The following LRRTM4 variants were observed in gnomAD, a reference collection of about 807,000 sequenced individuals.
LRRTM4 encodes leucine-rich repeat transmembrane neuronal protein 4.
A neutral mutation model predicts 47.6 loss-of-function variants in LRRTM4; 25 were observed. The ratio of observed to expected loss-of-function variants is 0.53; its 90% CI spans 0.38 to 0.73. LRRTM4 has a LOEUF of 0.73. Among genes scored for constraint, LRRTM4 ranks in the 30% least tolerant of loss-of-function variants. The probability of loss-of-function intolerance (pLI) is 0.00; values close to 1 mark genes in which losing one functional copy is unlikely to be tolerated. For missense variants in LRRTM4, 638 were observed against 713.4 expected (o/e 0.89, Z 1.20); for synonymous variants, 311 against 269.5 (o/e 1.15, Z -1.51).
chr2:77,285,752 C>CA (rs71699011), intron 3 of LRRTM4, among the ~76,000 whole-genome samples: 17 of 151,194 alleles, frequency 1.1e-4, no homozygotes, highest in East Asian at 9.8e-4. Context: ...AAAAAAACAA[C>CA]AAAAAAAATC....
chr2:77,171,166 T>A (rs1179530947), intron 3 of LRRTM4, among the ~76,000 whole-genome samples: 1 of 152,164 alleles, frequency 6.6e-6, no homozygotes, highest in Non-Finnish European at 1.5e-5. Flanking sequence ...AAATCAATGC[T>A]TGGTTTCCCT....
At chr2:76,795,449 G>A (rs977624816) in intron 3 of LRRTM4, among the ~76,000 whole-genome samples, 2 of 151,960 alleles carry the variant, frequency 1.3e-5, no homozygotes, top group Admixed American at 6.6e-5. Flanking sequence ...ATAAAACATT[G>A]TAATGACTAT....
chr2:76,868,216 A>C (rs1672519171), intron 3 of LRRTM4, among the ~76,000 whole-genome samples: 1 of 152,196 alleles, frequency 6.6e-6, no homozygotes, highest in Non-Finnish European at 1.5e-5. Context: ...CCATCCAAAA[A>C]TCTCAAAACA....
Position 77,116,450 on chromosome 2 carries a change from C to T in LRRTM4, c.1552-367534G>A, listed in dbSNP as rs114323093. ...TGATTTATTGAATATATAATTACTG[C>T]AGTAATAAAATCATTGCAGTTTAAG... On this transcript the variant is annotated intron_variant, in intron 3 of 3. Transcript: ENST00000409884. Among the ~76,000 whole-genome samples, 1,394 of 152,040 alleles carry T rather than the reference C, an allele frequency of 9.2e-3. 27 individuals are homozygous for T. The highest frequency in any genetic ancestry group is 0.031 in the African/African-American group (1,267 of 41,474).
intron 3 of LRRTM4, among the ~76,000 whole-genome samples, chr2:77,124,597 T>C (rs760323169): frequency 1.3e-5 from 2 of 152,198 alleles, no homozygotes; most frequent in Non-Finnish European, 2.9e-5. Flanking sequence ...AGATGATTCA[T>C]GCTACTTCTG....
chr2:76,807,399 T>TAC (rs1558667201), intron 3 of LRRTM4, among the ~76,000 whole-genome samples: 1 of 112,312 alleles, frequency 8.9e-6, no homozygotes, highest in African/African-American at 4.0e-5. Context: ...TATATATATA[T>TAC]GTATATACGT....
At chr2:77,427,616 G>C (rs1346640745) in intron 3 of LRRTM4, among the ~76,000 whole-genome samples, 21 of 152,142 alleles carry the variant, frequency 1.4e-4, no homozygotes, top group Admixed American at 1.2e-3. Flanking sequence ...TTGTGAAGCA[G>C]TTATATAGTT....
Position 77,192,456 on chromosome 2 carries a change from G to T in LRRTM4, c.1551+325862C>A, listed in dbSNP as rs542313625. Among the ~76,000 whole-genome samples, 164 of 151,886 alleles carry T rather than the reference G, an allele frequency of 1.1e-3. 1 individual carries two copies. The highest frequency in any genetic ancestry group is 3.8e-3 in the African/African-American group (156 of 41,464). On this transcript the variant is annotated intron_variant, in intron 3 of 3. Transcript: ENST00000409884. Reference sequence around the variant, plus strand: ...AAATTAGTATGGCATACTATCTAAAGAAATAAAGAAAAAAATTGAAAATAG... The same window carrying T: ...AAATTAGTATGGCATACTATCTAAATAAATAAAGAAAAAAATTGAAAATAG...
chr2:77,165,659 G>A (rs2103820338), intron 3 of LRRTM4, among the ~76,000 whole-genome samples: 1 of 152,244 alleles, frequency 6.6e-6, no homozygotes, highest in Admixed American at 6.5e-5. Flanking sequence ...TTGAACATAT[G>A]CAAATCAATA....
chr2:77,470,867 CAGTT>C (rs1243256261), intron 3 of LRRTM4, among the ~76,000 whole-genome samples: 1 of 152,004 alleles, frequency 6.6e-6, no homozygotes, highest in Non-Finnish European at 1.5e-5. Context: ...TTGTGGGACT[CAGTT>C]AGTACCAATA....
chr2:77,485,761 A>C (rs1366682933), intron 3 of LRRTM4, among the ~76,000 whole-genome samples: 1 of 152,054 alleles, frequency 6.6e-6, no homozygotes, highest in Non-Finnish European at 1.5e-5. Flanking sequence ...ACAAGGTCTC[A>C]CTCCCATTAT....
chr2:77,240,924 G>A (rs1558648702), intron 3 of LRRTM4, among the ~76,000 whole-genome samples: 1 of 151,874 alleles, frequency 6.6e-6, no homozygotes, highest in African/African-American at 2.4e-5. Flanking sequence ...CTTTAATTAA[G>A]ATATGGATCA....
rs72913955 is a variant in LRRTM4, at chr2:77,202,512, C to T, written c.1551+315806G>A. Among the ~76,000 whole-genome samples, 1,049 of 152,046 alleles carry T rather than the reference C, an allele frequency of 6.9e-3. 13 individuals carry two copies. Among genetic ancestry groups the T allele is most frequent in the African/African-American group, 0.024 (994 of 41,458 alleles). On this transcript the variant is annotated intron_variant, in intron 3 of 3. Coordinates refer to ENST00000409884, the MANE Select transcript of LRRTM4 (RefSeq NM_001134745.3). ...CAGTTACTTCTTTGGAAGTGATCAA[C>T]CAGACTAGATTGCCATTTTACATTG...
intron 3 of LRRTM4, among the ~76,000 whole-genome samples, chr2:77,387,782 C>T (rs1673342034): frequency 6.6e-6 from 1 of 152,024 alleles, no homozygotes. Context: ...ACTTAAAAAG[C>T]AGGAAAACGG....
intron 3 of LRRTM4, among the ~76,000 whole-genome samples, chr2:77,294,087 CA>C (rs1448876331): frequency 6.6e-6 from 1 of 152,048 alleles, no homozygotes; most frequent in Non-Finnish European, 1.5e-5. Flanking sequence ...GTGTGTACAT[CA>C]AAAACATGTT....
chr2:77,185,965 C>G (rs916908016), intron 3 of LRRTM4, among the ~76,000 whole-genome samples: 5 of 152,074 alleles, frequency 3.3e-5, no homozygotes, highest in African/African-American at 1.2e-4. Flanking sequence ...CCCTTTGGTA[C>G]AGTGTTCAGC....
chr2:76,781,268 T>TG (rs1674371727), intron 3 of LRRTM4, among the ~76,000 whole-genome samples: 1 of 152,244 alleles, frequency 6.6e-6, no homozygotes, highest in African/African-American at 2.4e-5. Flanking sequence ...CCTTGAGCTG[T>TG]GGTGGGCTCC....
At chr2:76,807,564 A>G (rs1167436526) in intron 3 of LRRTM4, among the ~76,000 whole-genome samples, 2 of 148,034 alleles carry the variant, frequency 1.4e-5, no homozygotes, top group Non-Finnish European at 3.0e-5. Flanking sequence ...ATGATTTTCT[A>G]TTTAGTTTTA....
chr2:77,386,638 A>G (rs1673287660), intron 3 of LRRTM4, among the ~76,000 whole-genome samples: 1 of 152,144 alleles, frequency 6.6e-6, no homozygotes, highest in Non-Finnish European at 1.5e-5. Context: ...TGCTGGGTCA[A>G]ATGGTATTTC....
Sources: gnomAD v4.1 joint callset for allele counts (sites outside exome capture counted in the v4.1 genomes callset) on GRCh38, gnomAD v4.1.1 for gene constraint, MANE v1.5 for transcripts, NCBI Gene and HGNC (gene_info 2026-07-23, HGNC 2026-07-21) for gene names.